GRM8: variants seen among roughly 807,000 people sequenced by gnomAD.
The protein encoded by GRM8 is metabotropic glutamate receptor 8.
Under a neutral mutation model 87.2 loss-of-function variants are expected in GRM8, and 47 were observed. That is an observed-to-expected ratio of 0.54 (90% CI 0.43 to 0.69). GRM8 has a LOEUF of 0.69. Among genes scored for constraint, GRM8 ranks in the 30% least tolerant of loss-of-function variants. GRM8 has a pLI of 0.00. For missense variants in GRM8, 1,019 were observed against 1,139.2 expected (o/e 0.89, Z 1.52); for synonymous variants, 396 against 404.5 (o/e 0.98, Z 0.25).
intron 2 of GRM8, among the ~76,000 whole-genome samples, chr7:127,192,973 T>C (rs1795099814): frequency 2.0e-5 from 3 of 152,134 alleles, no homozygotes; most frequent in African/African-American, 4.8e-5. Context: ...TCCAATTTCT[T>C]AGAGTACTCC....
chr7:126,554,013 A>G (rs1282263156), intron 8 of GRM8, among the ~76,000 whole-genome samples: 1 of 152,118 alleles, frequency 6.6e-6, no homozygotes, highest in East Asian at 1.9e-4. Context: ...TTCAATGCCT[A>G]TCTTCTGCAA....
intron 8 of GRM8, among the ~76,000 whole-genome samples, chr7:126,561,514 C>T (rs1406235935): frequency 1.3e-5 from 2 of 151,810 alleles, no homozygotes; most frequent in African/African-American, 4.8e-5. Context: ...GATGCTATAC[C>T]ATATTATTAC....
At chr7:127,143,935 C>G (rs1401287630) in intron 2 of GRM8, among the ~76,000 whole-genome samples, 3 of 152,076 alleles carry the variant, frequency 2.0e-5, no homozygotes, top group Non-Finnish European at 4.4e-5. Flanking sequence ...ATTTTGATAT[C>G]TCTTGCACAA....
At chr7:126,902,714 C>A (rs1264810876) in intron 5 of GRM8, 35 bp from the exon 6 acceptor site, 5 of 1,442,428 alleles carry the variant, frequency 3.5e-6, no homozygotes, top group Non-Finnish European at 4.7e-6. Context: ...TTTTAATATT[C>A]TTTCAAAATT....
chr7:126,786,992 T>C (rs189218218), intron 6 of GRM8, among the ~76,000 whole-genome samples: 4 of 152,318 alleles, frequency 2.6e-5, no homozygotes, highest in Admixed American at 2.0e-4. Context: ...TCTGCACCCA[T>C]GTGTAGTACA....
chr7:126,696,577 G>C (rs562304122), intron 7 of GRM8, among the ~76,000 whole-genome samples: 1 of 152,222 alleles, frequency 6.6e-6, no homozygotes, highest in Non-Finnish European at 1.5e-5. Flanking sequence ...TACTGAGAGA[G>C]AGGCAGAAGG....
At chr7:126,465,432 T>G (rs558782945) in intron 9 of GRM8, 7 of 151,926 alleles carry the variant, frequency 4.6e-5, no homozygotes, top group African/African-American at 1.7e-4. Context: ...CGGTATTTGA[T>G]ATCTTTATAA....
Position 126,902,672 on chromosome 7 carries a change from A to C in GRM8, c.1026T>G (p.Asp342Glu). 1.3e-6 allele frequency: 2 copies of C among 1,584,532 alleles called. No individual in the cohort carries two copies. The highest frequency in any genetic ancestry group is 1.7e-6 in the Non-Finnish European group (2 of 1,166,652). ...LPKRASIDGFDRYFRSRTLAN... is the reference protein window; with the variant it reads ...LPKRASIDGFERYFRSRTLAN... The stretch of plus-strand genomic sequence containing the variant: ...CAAGAGTTCGGCTTCTAAAGTATCG[A>C]TCAAATCCTATTTCAAAGGAGAAAG... The change falls in exon 6 of 11, where the codon GAT becomes GAG. Residue 342 changes from aspartate (D) to glutamate (E), a missense_variant. Physicochemically the swap from Asp to Glu is conservative, Grantham distance 45 (BLOSUM62 2). Coordinates refer to ENST00000339582, the MANE Select transcript of GRM8 (RefSeq NM_000845.3).
intron 3 of GRM8, chr7:126,981,045 C>T (rs1811471761): frequency 2.6e-5 from 4 of 152,456 alleles, no homozygotes; most frequent in African/African-American, 9.7e-5. Context: ...CCACTCTCTG[C>T]AGTAGTTCTC....
intron 8 of GRM8, among the ~76,000 whole-genome samples, chr7:126,608,882 G>A (rs1303843371): frequency 6.6e-6 from 1 of 150,938 alleles, no homozygotes; most frequent in Non-Finnish European, 1.5e-5. Context: ...TCCTGCCTCA[G>A]CCTCCCAAAT....
At chr7:127,206,260 T>G (rs2116596761) in intron 2 of GRM8, among the ~76,000 whole-genome samples, 1 of 152,276 alleles carries the variant, frequency 6.6e-6, no homozygotes, top group Non-Finnish European at 1.5e-5. Flanking sequence ...CCCTAACCAT[T>G]CTGGTAAGCC....
chr7:127,173,060 T>C (rs1423962341), intron 2 of GRM8, among the ~76,000 whole-genome samples: 1 of 152,188 alleles, frequency 6.6e-6, no homozygotes, highest in Non-Finnish European at 1.5e-5. Flanking sequence ...CAAATAACTA[T>C]TAACCATCTA....
At chr7:126,762,898 A>G (rs1817738706) in intron 7 of GRM8, among the ~76,000 whole-genome samples, 1 of 151,980 alleles carries the variant, frequency 6.6e-6, no homozygotes, top group Non-Finnish European at 1.5e-5. Context: ...TAGTAACTAT[A>G]AATGTTTAAG....
At chr7:126,812,346 G>C (rs1793377572) in intron 6 of GRM8, among the ~76,000 whole-genome samples, 1 of 151,834 alleles carries the variant, frequency 6.6e-6, no homozygotes, top group African/African-American at 2.4e-5. Flanking sequence ...ACAAACCTAG[G>C]TGGTATAGCT....
intron 3 of GRM8, among the ~76,000 whole-genome samples, chr7:126,976,142 T>C (rs1018418823): frequency 2.0e-5 from 3 of 152,190 alleles, no homozygotes; most frequent in African/African-American, 7.2e-5. Flanking sequence ...ATCAATGAAA[T>C]CTATACTTCA....
intron 8 of GRM8, among the ~76,000 whole-genome samples, chr7:126,569,818 A>T (rs941142737): frequency 6.6e-6 from 1 of 152,198 alleles, no homozygotes; most frequent in Non-Finnish European, 1.5e-5. Context: ...AGAAAGGCAA[A>T]TTACAGGCAC....
At chr7:127,147,082 T>G (rs1279030317) in intron 2 of GRM8, among the ~76,000 whole-genome samples, 1 of 152,100 alleles carries the variant, frequency 6.6e-6, no homozygotes, top group South Asian at 2.1e-4. Context: ...TATTGCTATT[T>G]AACTGCAAAT....
chr7:126,822,426 C>T (rs760024223), intron 6 of GRM8, among the ~76,000 whole-genome samples: 12 of 152,090 alleles, frequency 7.9e-5, no homozygotes, highest in Non-Finnish European at 1.8e-4. Flanking sequence ...TGAGTGCTTA[C>T]CTGCACTCAG....
chr7:127,051,070 A>G (rs1188784801), intron 3 of GRM8, among the ~76,000 whole-genome samples: 1 of 152,208 alleles, frequency 6.6e-6, no homozygotes, highest in East Asian at 1.9e-4. Flanking sequence ...TACTAATTAT[A>G]ATACAATATT....
Sources: allele counts gnomAD v4.1 joint callset (sites outside exome capture counted in the v4.1 genomes callset), GRCh38; gene constraint gnomAD v4.1.1; transcripts MANE v1.5; gene names NCBI Gene and HGNC (gene_info 2026-07-23, HGNC 2026-07-21).